SLC24A2: variants seen among roughly 807,000 people sequenced by gnomAD.
SLC24A2 encodes solute carrier family 24 member 2.
Under a neutral mutation model 62.0 loss-of-function variants are expected in SLC24A2, and 36 were observed. The observed-to-expected ratio is 0.58, with a 90% CI of 0.44 to 0.77. The LOEUF is 0.77. Among genes scored for constraint, SLC24A2 ranks in the 30% least tolerant of loss-of-function variants. The pLI is 0.00. For missense variants in SLC24A2, 846 were observed against 817.9 expected, an observed-to-expected ratio of 1.03 and a Z score of -0.42; for synonymous variants, 358 against 294.0, an observed-to-expected ratio of 1.22 and a Z score of -2.23.
At chr9:20,016,492 C>A in the SLC24A2 span, among the ~76,000 whole-genome samples, 1 of 152,174 alleles carries the variant, frequency 6.6e-6, no homozygotes, top group African/African-American at 2.4e-5. Flanking sequence ...ATGTTCCATT[C>A]ACCCATATCC....
the SLC24A2 span, among the ~76,000 whole-genome samples, chr9:20,232,205 T>C: frequency 6.6e-6 from 1 of 152,152 alleles, no homozygotes; most frequent in Non-Finnish European, 1.5e-5. Context: ...TCTTTTTTGG[T>C]TGTGTCTCTG....
intron 2 of SLC24A2, among the ~76,000 whole-genome samples, chr9:19,634,281 C>CTTTTTTTTTT (rs35884916): frequency 1.3e-5 from 1 of 79,296 alleles, no homozygotes; most frequent in East Asian, 4.2e-4. Context: ...ACTGCAGCCT[C>CTTTTTTTTTT]TTTTTTTTTT....
chr9:19,563,405 C>A (rs10811203), intron 7 of SLC24A2, among the ~76,000 whole-genome samples: 11 of 152,044 alleles, frequency 7.2e-5, no homozygotes, highest in Middle Eastern at 3.4e-3. Context: ...TTTAGAAAGG[C>A]GACTTTCTCT....
At chr9:19,728,334 C>A (rs1821233348) in intron 2 of SLC24A2, among the ~76,000 whole-genome samples, 1 of 151,478 alleles carries the variant, frequency 6.6e-6, no homozygotes, top group Admixed American at 6.6e-5. Flanking sequence ...TCACTCCCAG[C>A]TGGATAACTT....
the SLC24A2 span, among the ~76,000 whole-genome samples, chr9:20,206,972 T>A: frequency 4.6e-5 from 7 of 152,236 alleles, no homozygotes; most frequent in Admixed American, 2.0e-4. Context: ...TATGCCATTA[T>A]GCCATTATAC....
the SLC24A2 span, among the ~76,000 whole-genome samples, chr9:20,079,164 T>A: frequency 6.6e-6 from 1 of 150,420 alleles, no homozygotes; most frequent in Non-Finnish European, 1.5e-5. Context: ...GAGGTTGGAG[T>A]TATGCAGCCA....
intron 5 of SLC24A2, among the ~76,000 whole-genome samples, chr9:19,579,303 G>T (rs1836132567): frequency 6.6e-6 from 1 of 152,190 alleles, no homozygotes. Flanking sequence ...TCCAGGCTGT[G>T]TGGATGCAAG....
the SLC24A2 span, among the ~76,000 whole-genome samples, chr9:20,074,461 T>C: frequency 6.6e-6 from 1 of 151,834 alleles, no homozygotes; most frequent in Non-Finnish European, 1.5e-5. Flanking sequence ...GGACAATTAA[T>C]GGTATTGCTG....
chr9:19,702,804 T>C (rs1038430937), intron 2 of SLC24A2, among the ~76,000 whole-genome samples: 1 of 152,160 alleles, frequency 6.6e-6, no homozygotes, highest in African/African-American at 2.4e-5. Context: ...GAACTTCATA[T>C]CACTACCATA....
At chr9:19,689,224 G>A (rs561499664) in intron 2 of SLC24A2, among the ~76,000 whole-genome samples, 15 of 152,106 alleles carry the variant, frequency 9.9e-5, no homozygotes, top group South Asian at 4.1e-4. Context: ...TAGCCAGTGC[G>A]CTTCTCCACG....
intron 2 of SLC24A2, among the ~76,000 whole-genome samples, chr9:19,762,793 CTTTT>C (rs58241037): frequency 5.9e-5 from 6 of 102,390 alleles, no homozygotes; most frequent in Non-Finnish European, 8.0e-5. Context: ...GCTATATGTG[CTTTT>C]TTTTTTTTTT....
intron 2 of SLC24A2, among the ~76,000 whole-genome samples, chr9:19,703,103 A>AAG (rs1352722698): frequency 2.6e-5 from 4 of 151,974 alleles, no homozygotes; most frequent in Non-Finnish European, 4.4e-5. Context: ...ACTAGAGAGA[A>AAG]AGAGAGAGAG....
chr9:19,709,012 A>C (rs1015914279), intron 2 of SLC24A2, among the ~76,000 whole-genome samples: 30 of 152,276 alleles, frequency 2.0e-4, no homozygotes, highest in African/African-American at 6.7e-4. Flanking sequence ...CTCATCTGAC[A>C]AAGGGCTAAT....
intron 2 of SLC24A2, among the ~76,000 whole-genome samples, chr9:19,636,288 T>TTCCTTTCCTTTCCTTTC (rs1564009453): frequency 2.6e-5 from 1 of 38,420 alleles, no homozygotes; most frequent in African/African-American, 9.5e-5. Context: ...CTTCTTCTCT[T>TTCCTTTCCTTTCCTTTC]CTTTTCTTTT....
rs71335440 is a variant in SLC24A2 at position 19,642,671 on chromosome 9, C to CTTTTTTTTTTTTTTTTTTTTTTTTTTTT, written c.931-20373_931-20372insAAAAAAAAAAAAAAAAAAAAAAAAAAAA. ...AGAATGGTTTATATGAGAGCGTATT[C>CTTTTTTTTTTTTTTTTTTTTTTTTTTTT]TTTTTTTTTTTTTTTTTTTTTTTTT... On this transcript the variant is annotated intron_variant, in intron 2 of 10. Coordinates refer to ENST00000341998, the MANE Select transcript of SLC24A2 (RefSeq NM_020344.4). Among the ~76,000 whole-genome samples the CTTTTTTTTTTTTTTTTTTTTTTTTTTTT allele has an allele frequency of 7.5e-5, 6 of 79,850 alleles. 3 individuals carry two copies. Among genetic ancestry groups the CTTTTTTTTTTTTTTTTTTTTTTTTTTTT allele is most frequent in the African/African-American group, 9.5e-5 (2 of 21,016 alleles). 52.4% of individuals were successfully genotyped at this position (79,850 alleles called of 152,430 possible).
At chr9:20,114,043 A>G in the SLC24A2 span, among the ~76,000 whole-genome samples, 1 of 152,196 alleles carries the variant, frequency 6.6e-6, no homozygotes, top group African/African-American at 2.4e-5. Flanking sequence ...TCCAGATGGC[A>G]GCCAGTGGTT....
the SLC24A2 span, among the ~76,000 whole-genome samples, chr9:20,140,706 G>T: frequency 5.3e-5 from 8 of 151,948 alleles, no homozygotes; most frequent in African/African-American, 1.9e-4. Flanking sequence ...CCATGATAAT[G>T]GTCCATCTCC....
chr9:19,721,857 T>C (rs1821035288), intron 2 of SLC24A2, among the ~76,000 whole-genome samples: 1 of 152,174 alleles, frequency 6.6e-6, no homozygotes, highest in African/African-American at 2.4e-5. Context: ...GAAAACGTTG[T>C]CATTATTCTT....
the SLC24A2 span, among the ~76,000 whole-genome samples, chr9:19,951,222 T>G: frequency 7.0e-6 from 1 of 143,334 alleles, no homozygotes; most frequent in African/African-American, 2.7e-5. Flanking sequence ...TTGTTTTTCT[T>G]AAGTTGTGTG....
Sources: allele counts gnomAD v4.1 joint callset (sites outside exome capture counted in the v4.1 genomes callset), GRCh38; gene constraint gnomAD v4.1.1; transcripts MANE v1.5; gene names NCBI Gene and HGNC (gene_info 2026-07-23, HGNC 2026-07-21).